The following OTOGL variants were observed in gnomAD, a reference collection of about 807,000 sequenced individuals.
The protein encoded by OTOGL is otogelin like, also known as otogelin-like protein.
In OTOGL, 285 loss-of-function variants were observed where a neutral mutation model predicts 318.5. The ratio of observed to expected loss-of-function variants is 0.89; its 90% CI spans 0.81 to 0.99. The LOEUF (loss-of-function observed/expected upper bound fraction) is 0.99. Ranked by LOEUF, OTOGL falls within the 50% of genes least tolerant of loss-of-function variation. OTOGL has a pLI of 0.00. For missense variants in OTOGL, 2,899 were observed against 2,845.6 expected (o/e 1.02, Z -0.43); for synonymous variants, 987 against 936.5 (o/e 1.05, Z -0.99).
chr12:80,136,444 C>T (rs886216692), intron 1 of OTOGL, among the ~76,000 whole-genome samples: 3 of 152,208 alleles, frequency 2.0e-5, no homozygotes, highest in Non-Finnish European at 4.4e-5. Flanking sequence ...TCCCCTGGTC[C>T]TCATAGAATT....
intron 11 of OTOGL, among the ~76,000 whole-genome samples, chr12:80,249,939 C>G (rs571836846): frequency 6.6e-6 from 1 of 152,046 alleles, no homozygotes; most frequent in Admixed American, 6.5e-5. Context: ...CAGGTGCGTC[C>G]GTCAGCCCTT....
At chr12:80,163,775 C>T (rs1055879349) in intron 1 of OTOGL, among the ~76,000 whole-genome samples, 2 of 152,018 alleles carry the variant, frequency 1.3e-5, no homozygotes, top group African/African-American at 2.4e-5. Context: ...ATGGCAATGA[C>T]AGAGGAGCAA....
chr12:80,313,383 C>G, intron 30 of OTOGL, 93 bp from the exon 31 acceptor site: 2 of 1,265,474 alleles, frequency 1.6e-6, no homozygotes, highest in Non-Finnish European at 2.2e-6. Context: ...CTGATAATAT[C>G]AAACTTTGAA....
intron 9 of OTOGL, among the ~76,000 whole-genome samples, chr12:80,234,310 C>A (rs938904118): frequency 6.6e-6 from 1 of 152,140 alleles, no homozygotes; most frequent in Non-Finnish European, 1.5e-5. Context: ...GGATTACAGA[C>A]CTGACAGGCT....
At chr12:80,367,826 TTAG>T in intron 54 of OTOGL, 87 bp downstream of exon 54, 4 of 893,868 alleles carry the variant, frequency 4.5e-6, no homozygotes, top group African/African-American at 1.8e-5. Context: ...GAATACTCCA[TTAG>T]TTTAAAATAT....
chr12:80,323,097 T>TACACACAC (rs200949284), intron 34 of OTOGL, among the ~76,000 whole-genome samples: 2 of 127,056 alleles, frequency 1.6e-5, no homozygotes, highest in Non-Finnish European at 3.4e-5. Flanking sequence ...GAAAACCCAC[T>TACACACAC]ACACACACAC....
At position 80,235,467 on chromosome 12, in the gene OTOGL, CAAAAAA is replaced by C. The variant is rs10600987; in HGVS notation, c.817+2387_817+2392del. Among the ~76,000 whole-genome samples the C allele has an allele frequency of 8.1e-5, 7 of 86,954 alleles. No individual in the cohort carries two copies. In the South Asian group the frequency reaches 2.6e-3, roughly 32 times the overall value. The allele number at this position is 86,954 out of a possible 152,430, so 57.0% of individuals were successfully genotyped here. A position where few individuals can be genotyped will look rare whatever the true frequency, so the allele number is the denominator to read the frequency against. ...TGGACAACAGAGCAAGACTCTGTCT[CAAAAAA>C]AAAAAAAAAAAAAAAAGAAAGACTG... On this transcript the variant is annotated intron_variant, in intron 9 of 58. Transcript: ENST00000547103.
Position 80,313,068 on chromosome 12 carries a change from A to G in OTOGL, c.3451-408A>G, listed in dbSNP as rs920458659. ...AAGATTGCTATTACCATTAATAGCCATTAGGATGTTGCATGAGCAGGGGCA... is the reference window on the plus strand; with the variant it reads ...AAGATTGCTATTACCATTAATAGCCGTTAGGATGTTGCATGAGCAGGGGCA... On this transcript the variant is annotated intron_variant, in intron 30 of 58. Coordinates refer to ENST00000547103, the MANE Select transcript of OTOGL (RefSeq NM_001378609.3). Among the ~76,000 whole-genome samples, 4 of 152,220 alleles carry G rather than the reference A, an allele frequency of 2.6e-5. No homozygotes were observed. The East Asian group carries it at 7.7e-4, about 29-fold the overall frequency.
At chr12:80,225,706 A>C (rs1020125348) in intron 7 of OTOGL, among the ~76,000 whole-genome samples, 21 of 152,098 alleles carry the variant, frequency 1.4e-4, no homozygotes, top group Non-Finnish European at 2.9e-5. Context: ...CTTCAATGTT[A>C]AATATTCTTG....
At chr12:80,168,921 C>T (rs1333027601) in intron 1 of OTOGL, among the ~76,000 whole-genome samples, 6 of 152,278 alleles carry the variant, frequency 3.9e-5, no homozygotes, top group South Asian at 4.1e-4. Flanking sequence ...CTTGCTTCTC[C>T]GTTATTTCCA....
intron 24 of OTOGL, among the ~76,000 whole-genome samples, chr12:80,276,246 G>A (rs954431178): frequency 6.6e-6 from 1 of 151,608 alleles, no homozygotes. Flanking sequence ...TAATGTTTGA[G>A]GCATTGTGTT....
rs752710374 is a variant in OTOGL, at chr12:80,210,869, A to G, written c.102A>G (p.Ile34Met). The G allele has an allele frequency of 3.4e-6, 5 of 1,486,234 alleles. No individual in the cohort carries two copies. The South Asian group carries it at 3.9e-5, about 11-fold the overall frequency. 92.1% of individuals were successfully genotyped at this position (1,486,234 alleles called of 1,614,324 possible). Residue 34 changes from isoleucine (I) to methionine (M), a missense_variant, in exon 3 of 59, where the codon ATA (isoleucine) becomes ATG (methionine). Physicochemically the swap from Ile to Met is conservative, Grantham distance 10 (BLOSUM62 1). Around this residue, in one of 3 missense-constraint regions of OTOGL, gnomAD observed 2,607 missense variants for 2,524.9 expected, o/e 1.03. Coordinates refer to ENST00000547103, the MANE Select transcript of OTOGL (RefSeq NM_001378609.3). Reference protein sequence around the residue: ...SLQEYICASSILMGTSKNGFN... With the variant: ...SLQEYICASSMLMGTSKNGFN... ...CAGAATATATTTGTGCATCGTCTATATTGATGGGAACATCAAAGTGAGTAT... is the reference window on the plus strand; with the variant it reads ...CAGAATATATTTGTGCATCGTCTATGTTGATGGGAACATCAAAGTGAGTAT...
intron 1 of OTOGL, among the ~76,000 whole-genome samples, chr12:80,114,477 G>C (rs1870037834): frequency 6.6e-6 from 1 of 152,290 alleles, no homozygotes; most frequent in East Asian, 1.9e-4. Flanking sequence ...TCTGCCAAGA[G>C]ATCTGCATTA....
At chr12:80,255,233 T>G (rs1881933993) in intron 16 of OTOGL, 48 bp downstream of exon 16, 3 of 1,345,602 alleles carry the variant, frequency 2.2e-6, no homozygotes, top group Non-Finnish European at 2.9e-6. Flanking sequence ...CACTGATTTT[T>G]GCTTAAACTT....
Position 80,339,271 on chromosome 12 carries a change from G to A in OTOGL, c.5050+7G>A, listed in dbSNP as rs1373378918. 4.9e-6 allele frequency: 7 copies of A among 1,435,626 alleles called. No homozygotes were observed. The highest frequency in any genetic ancestry group is 2.3e-5 in the Admixed American group (1 of 43,308). The allele number at this position is 1,435,626 out of a possible 1,614,324, so 88.9% of individuals were successfully genotyped here. A position where few individuals can be genotyped will look rare whatever the true frequency, so the allele number is the denominator to read the frequency against. ...TACACAGAAGGACTCTGTGGTGAGC[G>A]CTGCCCTTCAAATCTTGATTTCGTC... On this transcript the variant is annotated splice_region_variant and intron_variant, in intron 43 of 58. Coordinates refer to ENST00000547103, the MANE Select transcript of OTOGL (RefSeq NM_001378609.3).
intron 1 of OTOGL, among the ~76,000 whole-genome samples, chr12:80,169,063 C>G (rs573836050): frequency 6.6e-6 from 1 of 152,218 alleles, no homozygotes; most frequent in South Asian, 2.1e-4. Flanking sequence ...TGTTTGCCTT[C>G]TAGATTTTTT....
At chr12:80,292,803 A>G (rs962577435) in intron 26 of OTOGL, among the ~76,000 whole-genome samples, 2 of 152,236 alleles carry the variant, frequency 1.3e-5, no homozygotes, top group Non-Finnish European at 2.9e-5. Flanking sequence ...TGGAACATAT[A>G]TTAATGACAC....
chr12:80,296,029 C>G (rs1189727993), intron 26 of OTOGL, among the ~76,000 whole-genome samples: 1 of 152,018 alleles, frequency 6.6e-6, no homozygotes, highest in Non-Finnish European at 1.5e-5. Flanking sequence ...AAGGGGTCTA[C>G]CTGGAGGTGG....
chr12:80,331,385 G>A (rs1888058492), intron 37 of OTOGL, among the ~76,000 whole-genome samples: 1 of 122,506 alleles, frequency 8.2e-6, no homozygotes, highest in Non-Finnish European at 1.6e-5. Context: ...CTGTCACTCA[G>A]GCTGGAGTGC....
Sources: gnomAD v4.1 joint callset for allele counts (sites outside exome capture counted in the v4.1 genomes callset) on GRCh38, gnomAD v4.1.1 for gene constraint, gnomAD v4.1.1 regional missense constraint, MANE v1.5 for transcripts, NCBI Gene and HGNC (gene_info 2026-07-23, HGNC 2026-07-21) for gene names.